Variants in BMPR1B observed in about 807,000 individuals in gnomAD.
BMPR1B encodes the protein bone morphogenetic protein receptor type 1B.
Under a neutral mutation model 59.1 loss-of-function variants are expected in BMPR1B, and 12 were observed. The ratio of observed to expected loss-of-function variants is 0.20; its 90% CI spans 0.13 to 0.33. BMPR1B has a LOEUF of 0.33. BMPR1B is among the 10% of genes least tolerant of loss of function. The probability of loss-of-function intolerance (pLI) is 1.00; values close to 1 mark genes in which losing one functional copy is unlikely to be tolerated. For synonymous variants in BMPR1B, 237 were observed against 207.3 expected, an observed-to-expected ratio of 1.14 and a Z score of -1.23; for missense variants, 550 against 610.9, an observed-to-expected ratio of 0.90 and a Z score of 1.05.
chr4:94,833,188 T>C (rs917960702), intron 1 of BMPR1B, among the ~76,000 whole-genome samples: 1 of 93,872 alleles, frequency 1.1e-5, no homozygotes, highest in East Asian at 2.9e-4. Context: ...CAGAGACTCT[T>C]TCTCAAAAAA....
At chr4:94,921,143 G>A (rs561316329) in intron 2 of BMPR1B, among the ~76,000 whole-genome samples, 6 of 152,100 alleles carry the variant, frequency 3.9e-5, no homozygotes, top group South Asian at 2.1e-4. Flanking sequence ...TCAGCCTCAC[G>A]GAATCTGCTT....
intron 2 of BMPR1B, among the ~76,000 whole-genome samples, chr4:94,991,490 T>C (rs1217872355): frequency 1.3e-5 from 2 of 152,154 alleles, no homozygotes; most frequent in East Asian, 1.9e-4. Context: ...CAATTTTAAA[T>C]AGTATGAGAG....
At chr4:94,918,424 C>G (rs1728567684) in intron 2 of BMPR1B, among the ~76,000 whole-genome samples, 1 of 152,136 alleles carries the variant, frequency 6.6e-6, no homozygotes, top group Non-Finnish European at 1.5e-5. Context: ...TGCCTGTAGT[C>G]TCAGCACTTT....
intron 1 of BMPR1B, among the ~76,000 whole-genome samples, chr4:94,855,692 A>G (rs1725728547): frequency 6.6e-6 from 1 of 152,230 alleles, no homozygotes; most frequent in Non-Finnish European, 1.5e-5. Flanking sequence ...CATTGCTGCC[A>G]CTGGTGATAT....
At chr4:94,842,897 T>C (rs571933407) in intron 1 of BMPR1B, among the ~76,000 whole-genome samples, 14 of 135,840 alleles carry the variant, frequency 1.0e-4, no homozygotes, top group Non-Finnish European at 2.0e-4. Flanking sequence ...TGCGTATACC[T>C]ACACATACAC....
In BMPR1B at chr4:94,833,602, C is replaced by A. The variant is rs890191773; in HGVS notation, c.-182-42229C>A. Reference sequence around the variant, plus strand: ...TCAGAGGTAACATTCTTAGCCAAATCTTTCCTGATGTTCCCATCAGCCCCC... The same window carrying A: ...TCAGAGGTAACATTCTTAGCCAAATATTTCCTGATGTTCCCATCAGCCCCC... On this transcript the variant is annotated intron_variant, in intron 1 of 12. Transcript: ENST00000515059. Among the ~76,000 whole-genome samples the A allele has an allele frequency of 3.3e-5, 5 of 152,176 alleles. No individual in the cohort carries two copies. The East Asian group carries it at 7.7e-4, about 23-fold the overall frequency.
intron 2 of BMPR1B, among the ~76,000 whole-genome samples, chr4:94,904,982 A>C (rs932013036): frequency 6.6e-6 from 1 of 152,104 alleles, no homozygotes; most frequent in Non-Finnish European, 1.5e-5. Context: ...GAGCTTTAAA[A>C]GTCTTGGAAG....
At chr4:95,069,411 G>A (rs1728103412) in intron 3 of BMPR1B, among the ~76,000 whole-genome samples, 1 of 152,180 alleles carries the variant, frequency 6.6e-6, no homozygotes, top group African/African-American at 2.4e-5. Flanking sequence ...TACTCTTCAA[G>A]AATGCCAGGT....
intron 8 of BMPR1B, among the ~76,000 whole-genome samples, 196 bp downstream of exon 8, chr4:95,125,317 G>C (rs1732830127): frequency 1.3e-5 from 2 of 152,158 alleles, no homozygotes; most frequent in African/African-American, 4.8e-5. Flanking sequence ...GTTTTTTAAT[G>C]TAGGTGTATG....
intron 3 of BMPR1B, among the ~76,000 whole-genome samples, chr4:95,003,494 C>T (rs968158023): frequency 6.6e-6 from 1 of 152,100 alleles, no homozygotes; most frequent in South Asian, 2.1e-4. Context: ...TGGCGTGATT[C>T]TAGAAATTAC....
chr4:94,763,558 C>T (rs946895806), intron 1 of BMPR1B, among the ~76,000 whole-genome samples: 1 of 152,080 alleles, frequency 6.6e-6, no homozygotes, highest in Non-Finnish European at 1.5e-5. Flanking sequence ...ATTTACTTAT[C>T]GGCTAAAGGA....
chr4:94,971,840 TTCTC>T (rs1326148080), intron 2 of BMPR1B, among the ~76,000 whole-genome samples: 1 of 151,956 alleles, frequency 6.6e-6, no homozygotes, highest in Non-Finnish European at 1.5e-5. Flanking sequence ...TATAGGTAGT[TTCTC>T]TCCTTAAATT....
chr4:95,057,532 C>A (rs1727022581), intron 3 of BMPR1B, among the ~76,000 whole-genome samples: 2 of 151,932 alleles, frequency 1.3e-5, no homozygotes, highest in Non-Finnish European at 2.9e-5. Flanking sequence ...TTTTTAATTT[C>A]TTTGGAGGGA....
chr4:94,999,756 C>T (rs1326621317), intron 3 of BMPR1B, among the ~76,000 whole-genome samples: 1 of 151,948 alleles, frequency 6.6e-6, no homozygotes, highest in East Asian at 1.9e-4. Flanking sequence ...GAAATTGCTC[C>T]CAGTATTACT....
intron 2 of BMPR1B, among the ~76,000 whole-genome samples, chr4:94,913,474 C>T (rs550843876): frequency 6.6e-5 from 10 of 152,146 alleles, no homozygotes; most frequent in Non-Finnish European, 1.2e-4. Flanking sequence ...GTTTGAACCA[C>T]AAATTTTTAG....
intron 2 of BMPR1B, among the ~76,000 whole-genome samples, chr4:94,891,258 G>T (rs1038980652): frequency 5.9e-5 from 9 of 152,066 alleles, no homozygotes; most frequent in Admixed American, 2.6e-4. Context: ...CAGAGATAAA[G>T]CAATAAAACT....
At chr4:94,936,107 G>T (rs1050148421) in intron 2 of BMPR1B, among the ~76,000 whole-genome samples, 2 of 152,152 alleles carry the variant, frequency 1.3e-5, no homozygotes, top group Non-Finnish European at 2.9e-5. Flanking sequence ...GGAACATTTT[G>T]TGCTACAAAT....
intron 2 of BMPR1B, among the ~76,000 whole-genome samples, chr4:94,982,097 G>A (rs1351570528): frequency 6.6e-6 from 1 of 152,116 alleles, no homozygotes; most frequent in Non-Finnish European, 1.5e-5. Context: ...ATAAGCAAAT[G>A]TATTCCAGAA....
chr4:94,906,832 GT>G (rs1438171714), intron 2 of BMPR1B, among the ~76,000 whole-genome samples: 1 of 151,994 alleles, frequency 6.6e-6, no homozygotes, highest in Non-Finnish European at 1.5e-5. Context: ...TTAGCTTATA[GT>G]TTAAAAACAG....
Sources: allele counts gnomAD v4.1 joint callset (sites outside exome capture counted in the v4.1 genomes callset), GRCh38; gene constraint gnomAD v4.1.1; transcripts MANE v1.5; gene names NCBI Gene and HGNC (gene_info 2026-07-23, HGNC 2026-07-21).